Variants in THSD4 observed in about 807,000 individuals in gnomAD.
THSD4 encodes thrombospondin type-1 domain-containing protein 4.
A neutral mutation model predicts 119.0 loss-of-function variants in THSD4; 69 were observed. The ratio of observed to expected loss-of-function variants is 0.58; its 90% CI spans 0.48 to 0.71. The LOEUF is 0.71. THSD4 is among the 30% of genes least tolerant of loss of function. The pLI, the probability that THSD4 is intolerant of heterozygous loss-of-function variation, is 0.00. For synonymous variants in THSD4, 524 were observed against 540.4 expected (o/e 0.97, Z 0.42); for missense variants, 1,393 against 1,391.1 (o/e 1.00, Z -0.02).
At chr15:71,541,959 C>A (rs762082226) in intron 7 of THSD4, among the ~76,000 whole-genome samples, 1 of 152,120 alleles carries the variant, frequency 6.6e-6, no homozygotes, top group Non-Finnish European at 1.5e-5. Flanking sequence ...AGGAAGAGAA[C>A]GTATTGCAAA....
intron 7 of THSD4, among the ~76,000 whole-genome samples, chr15:71,566,955 A>G (rs2049252851): frequency 6.6e-6 from 1 of 152,102 alleles, no homozygotes; most frequent in South Asian, 2.1e-4. Context: ...GTTTATGCCA[A>G]GGAATCTTGG....
intron 8 of THSD4, among the ~76,000 whole-genome samples, chr15:71,671,930 C>G (rs1367734106): frequency 6.6e-6 from 1 of 152,124 alleles, no homozygotes; most frequent in Admixed American, 6.5e-5. Context: ...ATGCCTCCAG[C>G]TTTGTTCTTT....
Position 71,558,323 on chromosome 15 carries a change from G to C in THSD4, c.1153-102207G>C, listed in dbSNP as rs1348425296. Among the ~76,000 whole-genome samples, 7 of 151,992 alleles carry C rather than the reference G, an allele frequency of 4.6e-5. No homozygotes were observed. The East Asian group carries it at 1.2e-3, about 25-fold the overall frequency. ...AGCCTGGGTGACAGAATGAGACTCT[G>C]TTTCAGAAAAAAATATATGTGTGTG... is the stretch of plus-strand genomic sequence containing the variant. On this transcript the variant is annotated intron_variant, in intron 7 of 17. Coordinates refer to ENST00000261862, the MANE Select transcript of THSD4 (RefSeq NM_024817.3).
chr15:71,575,572 G>C (rs548676664), intron 7 of THSD4, among the ~76,000 whole-genome samples: 1 of 152,278 alleles, frequency 6.6e-6, no homozygotes, highest in African/African-American at 2.4e-5. Flanking sequence ...AATAAGTTGT[G>C]TTTGAAGTCC....
At chr15:71,770,603 C>T (rs1361337939) in intron 16 of THSD4, among the ~76,000 whole-genome samples, 2 of 151,188 alleles carry the variant, frequency 1.3e-5, no homozygotes, top group South Asian at 2.1e-4. Flanking sequence ...TGCAGCAAGC[C>T]GAGATCACGC....
Position 71,780,485 on chromosome 15 carries a change from G to A in THSD4, c.*3111G>A. The A allele has an allele frequency of 3.7e-6, 1 of 268,882 alleles. No individual in the cohort carries two copies. Among genetic ancestry groups the A allele is most frequent in the Non-Finnish European group, 7.7e-6 (1 of 130,066 alleles). 16.7% of individuals were successfully genotyped at this position (268,882 alleles called of 1,614,324 possible). On this transcript the variant is annotated 3_prime_UTR_variant, in exon 18 of 18. Transcript: ENST00000261862. ...CTCACGATGACTTGCGGTTCTCTCT[G>A]TAGAAAAGGGATGGCCTAAGAAATA...
intron 8 of THSD4, among the ~76,000 whole-genome samples, chr15:71,720,035 TC>T (rs1247163657): frequency 1.0e-3 from 69 of 69,060 alleles, no homozygotes; most frequent in East Asian, 6.6e-3. Flanking sequence ...TTTTTTTTTT[TC>T]TTTTTTTTTT....
Position 71,757,919 on chromosome 15 carries a change from G to A in THSD4, c.2433G>A (p.Gly811=). The part of the protein sequence containing the change: ...EWSERCSAEC[G]AGVRTRSVVC... ...TCTCACAGTGCTCAGCGGAGTGTGG[G>A]GCCGGAGTGCGGACACGCTCGGTGG... Residue 811 remains glycine, a synonymous_variant, in exon 15 of 18, where the codon GGG becomes GGA. Transcript: ENST00000261862. The A allele has an allele frequency of 6.2e-7, 1 of 1,613,636 alleles. No homozygotes were observed. The highest frequency in any genetic ancestry group is 1.1e-5 in the South Asian group (1 of 91,048).
At chr15:71,626,789 T>C (rs570759719) in intron 7 of THSD4, among the ~76,000 whole-genome samples, 1 of 152,354 alleles carries the variant, frequency 6.6e-6, no homozygotes, top group African/African-American at 2.4e-5. Flanking sequence ...ATAGGTAGCA[T>C]TGACGTGTTA....
intron 6 of THSD4, chr15:71,341,419 T>C (rs765415363): frequency 6.2e-7 from 1 of 1,612,770 alleles, no homozygotes; most frequent in South Asian, 1.1e-5. Context: ...CATTACTCTC[T>C]GCGTTTTTAA....
chr15:71,751,314 C>CT (rs1006510498), intron 14 of THSD4, among the ~76,000 whole-genome samples: 97 of 152,104 alleles, frequency 6.4e-4, no homozygotes, highest in African/African-American at 2.1e-3. Context: ...AAAATGTTGG[C>CT]TTTTTTCTGG....
At chr15:71,735,493 GCT>G (rs976700219) in intron 10 of THSD4, among the ~76,000 whole-genome samples, 11 of 146,016 alleles carry the variant, frequency 7.5e-5, no homozygotes, top group Non-Finnish European at 1.2e-4. Flanking sequence ...TCTCTGTCTT[GCT>G]CTCTGTCTGT....
chr15:71,539,342 A>G (rs2048727494), intron 7 of THSD4, among the ~76,000 whole-genome samples: 1 of 152,176 alleles, frequency 6.6e-6, no homozygotes, highest in Admixed American at 6.5e-5. Context: ...ATTCCACACA[A>G]TGTCAGCATA....
At chr15:71,497,232 G>A (rs563198447) in intron 7 of THSD4, among the ~76,000 whole-genome samples, 1 of 152,304 alleles carries the variant, frequency 6.6e-6, no homozygotes, top group South Asian at 2.1e-4. Flanking sequence ...TATATATGTG[G>A]CCGGGCACGG....
chr15:71,592,624 T>C (rs2049828486), intron 7 of THSD4, among the ~76,000 whole-genome samples: 1 of 151,890 alleles, frequency 6.6e-6, no homozygotes, highest in Non-Finnish European at 1.5e-5. Flanking sequence ...TGGGCTGGAT[T>C]CACTTTTATA....
In THSD4 at chr15:71,608,972, G is replaced by C. The variant is rs150678992; in HGVS notation, c.1153-51558G>C. On this transcript the variant is annotated intron_variant, in intron 7 of 17. Coordinates refer to ENST00000261862, the MANE Select transcript of THSD4 (RefSeq NM_024817.3). ...CTCAAGAGGACATCAGTCTCTCCCTGGGCAGGTGATGAGCCCCACAGAAGG... is the reference window on the plus strand; with the variant it reads ...CTCAAGAGGACATCAGTCTCTCCCTCGGCAGGTGATGAGCCCCACAGAAGG... Among the ~76,000 whole-genome samples, 540 of 152,282 alleles carry C rather than the reference G, an allele frequency of 3.5e-3. 1 individual carries two copies. Among genetic ancestry groups the C allele is most frequent in the African/African-American group, 0.012 (508 of 41,554 alleles).
intron 8 of THSD4, among the ~76,000 whole-genome samples, chr15:71,674,621 A>C (rs573628253): frequency 6.6e-6 from 1 of 152,138 alleles, no homozygotes; most frequent in Admixed American, 6.5e-5. Flanking sequence ...TTTTTTTTAA[A>C]CTTTAAAGGT....
intron 4 of THSD4, among the ~76,000 whole-genome samples, chr15:71,228,810 G>A (rs1237238053): frequency 6.6e-6 from 1 of 152,170 alleles, no homozygotes; most frequent in African/African-American, 2.4e-5. Context: ...TTATGGTTTA[G>A]CTTCCAAGCA....
chr15:71,610,963 AAAG>A (rs1377800698), intron 7 of THSD4, among the ~76,000 whole-genome samples: 7 of 152,246 alleles, frequency 4.6e-5, no homozygotes, highest in East Asian at 3.9e-4. Flanking sequence ...ATGTGTATGG[AAAG>A]AAGAAGTGAG....
Sources: allele counts gnomAD v4.1 joint callset (sites outside exome capture counted in the v4.1 genomes callset), GRCh38; gene constraint gnomAD v4.1.1; transcripts MANE v1.5; gene names NCBI Gene and HGNC (gene_info 2026-07-23, HGNC 2026-07-21).